Variants in RB1 observed in about 807,000 individuals in gnomAD.
The protein encoded by RB1 is retinoblastoma-associated protein.
Under a neutral mutation model 135.4 loss-of-function variants are expected in RB1, and 18 were observed. That is an observed-to-expected ratio of 0.13 (90% CI 0.09 to 0.20). The LOEUF (loss-of-function observed/expected upper bound fraction) is 0.20. Among genes scored for constraint, RB1 ranks in the 10% least tolerant of loss-of-function variants. RB1 has a pLI of 1.00. For missense variants in RB1, 868 were observed against 1,110.0 expected, an observed-to-expected ratio of 0.78 and a Z score of 3.10; for synonymous variants, 365 against 373.2, an observed-to-expected ratio of 0.98 and a Z score of 0.25.
chr13:48,435,031 T>C (rs1029778540), intron 17 of RB1, among the ~76,000 whole-genome samples: 19 of 152,228 alleles, frequency 1.2e-4, no homozygotes, highest in Non-Finnish European at 1.9e-4. Context: ...TGAACATTTA[T>C]GTTTAGTATC....
At chr13:48,418,158 G>T (rs1948945786) in intron 17 of RB1, among the ~76,000 whole-genome samples, 1 of 152,184 alleles carries the variant, frequency 6.6e-6, no homozygotes, top group Admixed American at 6.5e-5. Context: ...ACAAAGGGAA[G>T]CCCATCAGAC....
chr13:48,355,066 C>T (rs990365421), intron 6 of RB1, among the ~76,000 whole-genome samples: 24 of 151,794 alleles, frequency 1.6e-4, no homozygotes, highest in African/African-American at 4.8e-4. Context: ...AATGGATAAA[C>T]GAGATCATAT....
chr13:48,419,503 A>G (rs1253413033), intron 17 of RB1, among the ~76,000 whole-genome samples: 1 of 152,212 alleles, frequency 6.6e-6, no homozygotes, highest in East Asian at 1.9e-4. Flanking sequence ...AAACTAATTC[A>G]AAAGCTAGCA....
At chr13:48,317,010 CT>C in intron 2 of RB1, 1 of 546,422 alleles carries the variant, frequency 1.8e-6, no homozygotes, top group Non-Finnish European at 3.1e-6. Context: ...GTCTAAAATG[CT>C]TTCCTCCGAG....
chr13:48,309,159 T>C (rs1857701826), intron 2 of RB1, among the ~76,000 whole-genome samples: 1 of 152,222 alleles, frequency 6.6e-6, no homozygotes, highest in South Asian at 2.1e-4. Flanking sequence ...GATTATTTTA[T>C]TAGAATAAAT....
intron 2 of RB1, among the ~76,000 whole-genome samples, chr13:48,321,780 C>CA (rs1231997309): frequency 1.3e-5 from 2 of 152,108 alleles, no homozygotes; most frequent in East Asian, 3.9e-4. Flanking sequence ...GACATGAACC[C>CA]AGGAGGCGGA....
intron 24 of RB1, among the ~76,000 whole-genome samples, chr13:48,475,550 A>G (rs1341106021): frequency 1.3e-5 from 2 of 152,260 alleles, no homozygotes; most frequent in Non-Finnish European, 2.9e-5. Flanking sequence ...TGAGGGAGGC[A>G]GGGAAATAAA....
intron 17 of RB1, among the ~76,000 whole-genome samples, chr13:48,418,119 A>G (rs1235138669): frequency 3.3e-5 from 5 of 152,142 alleles, no homozygotes; most frequent in Admixed American, 3.3e-4. Flanking sequence ...AAATGTTAAA[A>G]GCAGCCAGAG....
chr13:48,336,576 TTTC>T (rs1464633722), intron 2 of RB1, among the ~76,000 whole-genome samples: 3 of 152,040 alleles, frequency 2.0e-5, no homozygotes, highest in African/African-American at 7.2e-5. Context: ...TCTTCTCTCT[TTTC>T]TTCTTTATTA....
At chr13:48,464,854 T>C in intron 21 of RB1, 144 bp from the exon 22 acceptor site, 1 of 856,460 alleles carries the variant, frequency 1.2e-6, no homozygotes, top group Non-Finnish European at 1.7e-6. Context: ...TATTATTTTT[T>C]CCTTTATAAT....
chr13:48,464,206 C>T (rs536184028), intron 21 of RB1, among the ~76,000 whole-genome samples: 1 of 152,216 alleles, frequency 6.6e-6, no homozygotes, highest in African/African-American at 2.4e-5. Flanking sequence ...ATCAATAATA[C>T]AAATGTTCAG....
chr13:48,382,322 A>G (rs1025478162), intron 17 of RB1, among the ~76,000 whole-genome samples: 1 of 152,174 alleles, frequency 6.6e-6, no homozygotes, highest in African/African-American at 2.4e-5. Context: ...CAACAGTGTA[A>G]AAGTGTTCCT....
At chr13:48,360,571 GCTTAA>G (rs1566191771) in intron 7 of RB1, 1 of 162,752 alleles carries the variant, frequency 6.1e-6, no homozygotes, top group African/African-American at 2.4e-5. Flanking sequence ...TAAGGGAACA[GCTTAA>G]CTAAGTTTTT....
intron 21 of RB1, among the ~76,000 whole-genome samples, chr13:48,464,571 G>T (rs550425837): frequency 3.3e-5 from 5 of 152,256 alleles, no homozygotes; most frequent in Non-Finnish European, 5.9e-5. Context: ...TATAGATTGG[G>T]GGGGATACCG....
intron 17 of RB1, among the ~76,000 whole-genome samples, chr13:48,400,356 AC>A (rs563370567): frequency 3.2e-4 from 48 of 152,192 alleles, no homozygotes; most frequent in Middle Eastern, 3.4e-3. Flanking sequence ...TGTCCACAAA[AC>A]TGGTTGGTGA....
chr13:48,457,120 G>A (rs1317116678), intron 19 of RB1, among the ~76,000 whole-genome samples: 5 of 152,206 alleles, frequency 3.3e-5, no homozygotes, highest in African/African-American at 1.2e-4. Flanking sequence ...CAAGTGGAGG[G>A]TGAGCAAGAT....
chr13:48,343,419 A>G (rs1316277615), intron 3 of RB1, among the ~76,000 whole-genome samples: 1 of 152,204 alleles, frequency 6.6e-6, no homozygotes, highest in Non-Finnish European at 1.5e-5. Flanking sequence ...TATTTTATTT[A>G]AACGAGATAG....
At chr13:48,349,146 T>G (rs1952524460) in intron 6 of RB1, 123 bp downstream of exon 6, 1 of 999,458 alleles carries the variant, frequency 1.0e-6, no homozygotes, top group East Asian at 2.9e-5. Flanking sequence ...TCTGCTTGGC[T>G]TATTAACTGT....
intron 2 of RB1, among the ~76,000 whole-genome samples, chr13:48,335,304 T>C (rs1952373535): frequency 6.6e-6 from 1 of 152,162 alleles, no homozygotes; most frequent in Non-Finnish European, 1.5e-5. Flanking sequence ...TTTAGGCTCT[T>C]CCTACTATTT....
Sources: gnomAD v4.1 joint callset for allele counts (sites outside exome capture counted in the v4.1 genomes callset) on GRCh38, gnomAD v4.1.1 for gene constraint, MANE v1.5 for transcripts, NCBI Gene and HGNC (gene_info 2026-07-23, HGNC 2026-07-21) for gene names.